Variants in DUS2 observed in about 807,000 individuals in gnomAD.
DUS2 encodes dihydrouridine synthase 2.
In DUS2, 52 loss-of-function variants were observed where a neutral mutation model predicts 71.3. The ratio of observed to expected loss-of-function variants is 0.73; its 90% CI spans 0.58 to 0.92. The LOEUF (loss-of-function observed/expected upper bound fraction) is 0.92, where lower values mean the gene tolerates loss of function less well. Among genes scored for constraint, DUS2 ranks in the 40% least tolerant of loss-of-function variants. DUS2 has a pLI of 0.00. For missense variants in DUS2, 558 were observed against 622.6 expected, an observed-to-expected ratio of 0.90 and a Z score of 1.10; for synonymous variants, 204 against 227.8, an observed-to-expected ratio of 0.90 and a Z score of 0.94.
intron 4 of DUS2, among the ~76,000 whole-genome samples, chr16:68,052,731 C>T (rs1045550909): frequency 1.1e-4 from 17 of 151,626 alleles, no homozygotes; most frequent in Non-Finnish European, 2.1e-4. Context: ...CAATCTCTGC[C>T]TCCCAGGTTC....
At chr16:68,044,661 G>T (rs954938807) in intron 3 of DUS2, among the ~76,000 whole-genome samples, 1 of 151,996 alleles carries the variant, frequency 6.6e-6, no homozygotes, top group Non-Finnish European at 1.5e-5. Flanking sequence ...GCCTCCCAAA[G>T]TGCTGGTATT....
intron 3 of DUS2, 23 bp downstream of exon 3, chr16:68,038,172 G>T: frequency 6.2e-7 from 1 of 1,612,234 alleles, no homozygotes; most frequent in Non-Finnish European, 8.5e-7. Context: ...GATTTTCTGG[G>T]TGGGCTTCTC....
At chr16:68,034,231 A>G (rs1420578842) in intron 2 of DUS2, among the ~76,000 whole-genome samples, 1 of 151,942 alleles carries the variant, frequency 6.6e-6, no homozygotes, top group Admixed American at 6.6e-5. Context: ...ACTCCTGGCT[A>G]ATTTTTATGT....
chr16:68,063,089 C>G (rs941006479), intron 8 of DUS2, among the ~76,000 whole-genome samples: 1 of 152,196 alleles, frequency 6.6e-6, no homozygotes, highest in Admixed American at 6.5e-5. Context: ...CTCTACTGCC[C>G]CTCTTTGAAT....
chr16:68,048,419 C>T (rs1482435073), intron 3 of DUS2, among the ~76,000 whole-genome samples: 5 of 152,138 alleles, frequency 3.3e-5, no homozygotes, highest in African/African-American at 1.2e-4. Context: ...TGGGCTCTGC[C>T]CATCCCTTGG....
intron 8 of DUS2, among the ~76,000 whole-genome samples, chr16:68,064,541 G>A (rs1319323206): frequency 2.6e-5 from 4 of 152,212 alleles, no homozygotes; most frequent in Non-Finnish European, 5.9e-5. Context: ...GATTCTAAGT[G>A]AGCACTTGTA....
At chr16:68,060,336 T>G (rs2033921386) in intron 7 of DUS2, among the ~76,000 whole-genome samples, 1 of 152,098 alleles carries the variant, frequency 6.6e-6, no homozygotes, top group Admixed American at 6.5e-5. Context: ...TTGTTTGAGA[T>G]GGAGTCTTGC....
chr16:68,076,923 T>G (rs575966163), intron 15 of DUS2, among the ~76,000 whole-genome samples: 2 of 152,212 alleles, frequency 1.3e-5, no homozygotes, highest in East Asian at 3.9e-4. Context: ...CTTTTTTTTT[T>G]TTTTGAAACA....
At chr16:68,059,678 C>T (rs541460695) in intron 7 of DUS2, among the ~76,000 whole-genome samples, 8 of 152,306 alleles carry the variant, frequency 5.3e-5, no homozygotes, top group African/African-American at 1.7e-4. Flanking sequence ...AATAACTGAA[C>T]TTACACCTTC....
At chr16:68,050,451 T>C (rs1289638482) in intron 4 of DUS2, among the ~76,000 whole-genome samples, 1 of 152,196 alleles carries the variant, frequency 6.6e-6, no homozygotes, top group African/African-American at 2.4e-5. Flanking sequence ...ATTTTAAATG[T>C]GTATATTTTT....
chr16:68,050,947 A>G (rs2033770494), intron 4 of DUS2, among the ~76,000 whole-genome samples: 1 of 152,220 alleles, frequency 6.6e-6, no homozygotes, highest in African/African-American at 2.4e-5. Context: ...GTCAGTGATC[A>G]CTTTGATTAC....
chr16:68,076,437 G>A (rs971118120), intron 14 of DUS2, among the ~76,000 whole-genome samples, 195 bp from the exon 15 acceptor site: 6 of 152,078 alleles, frequency 3.9e-5, no homozygotes, highest in African/African-American at 1.4e-4. Context: ...TTCCCTTTAG[G>A]GAGAACCCAG....
chr16:68,068,056 T>C (rs988671899), intron 10 of DUS2, among the ~76,000 whole-genome samples: 8 of 152,370 alleles, frequency 5.3e-5, no homozygotes, highest in Admixed American at 2.6e-4. Context: ...TAATGTACTC[T>C]ATGCTGAGAG....
intron 2 of DUS2, among the ~76,000 whole-genome samples, chr16:68,034,303 C>T (rs1031781178): frequency 6.6e-6 from 1 of 151,014 alleles, no homozygotes; most frequent in African/African-American, 2.5e-5. Context: ...AGCTGATCTC[C>T]CATCTCCAAC....
chr16:68,039,441 CAG>C (rs1338943496), intron 3 of DUS2, among the ~76,000 whole-genome samples: 1 of 151,386 alleles, frequency 6.6e-6, no homozygotes, highest in Non-Finnish European at 1.5e-5. Context: ...TTCCTTGAGA[CAG>C]AGTCTCGCTC....
chr16:68,076,913 CTTTT>C (rs113367225), intron 15 of DUS2, among the ~76,000 whole-genome samples, 194 bp downstream of exon 15: 1 of 142,124 alleles, frequency 7.0e-6, no homozygotes, highest in African/African-American at 2.6e-5. Context: ...AGACATCTCT[CTTTT>C]TTTTTTTTTT....
At chr16:68,054,664 G>C (rs144160913) in intron 6 of DUS2, 47 bp downstream of exon 6, 4 of 1,609,072 alleles carry the variant, frequency 2.5e-6, no homozygotes, top group Non-Finnish European at 3.4e-6. Flanking sequence ...TCTCCTTTGA[G>C]CTGTGAGGGT....
intron 12 of DUS2, 45 bp from the exon 13 acceptor site, chr16:68,073,989 C>G (rs1291490771): frequency 6.2e-7 from 1 of 1,611,814 alleles, no homozygotes; most frequent in East Asian, 2.2e-5. Flanking sequence ...ATAGCCCAGG[C>G]CTTAGAGCCT....
intron 1 of DUS2, chr16:68,024,000 A>T (rs537682905): frequency 5.4e-5 from 9 of 166,726 alleles, no homozygotes; most frequent in African/African-American, 9.7e-5. Flanking sequence ...CTACAAAGTG[A>T]TCAAGTACGT....
Sources: gnomAD v4.1 joint callset for allele counts (sites outside exome capture counted in the v4.1 genomes callset) on GRCh38, gnomAD v4.1.1 for gene constraint, MANE v1.5 for transcripts, NCBI Gene and HGNC (gene_info 2026-07-23, HGNC 2026-07-21) for gene names.